TMEM45B: variants seen among roughly 807,000 people sequenced by gnomAD.
The protein encoded by TMEM45B is transmembrane protein 45B.
Under a neutral mutation model 27.3 loss-of-function variants are expected in TMEM45B, and 29 were observed. The ratio of observed to expected loss-of-function variants is 1.06; its 90% CI spans 0.79 to 1.45. The LOEUF is 1.45. Ranked by LOEUF, TMEM45B falls within the 40% of genes most tolerant of loss-of-function variation. The probability of loss-of-function intolerance (pLI) is 0.00; values close to 1 mark genes in which losing one functional copy is unlikely to be tolerated. For synonymous variants in TMEM45B, 143 were observed against 134.7 expected (o/e 1.06, Z -0.43); for missense variants, 348 against 343.9 (o/e 1.01, Z -0.09).
At chr11:129,829,607 A>T (rs540085375) in intron 1 of TMEM45B, among the ~76,000 whole-genome samples, 2 of 152,160 alleles carry the variant, frequency 1.3e-5, no homozygotes, top group Admixed American at 6.5e-5. Context: ...CAGCCTTTGC[A>T]TGTGTTATTT....
At chr11:129,845,202 T>C (rs1270995231) in intron 1 of TMEM45B, among the ~76,000 whole-genome samples, 1 of 152,164 alleles carries the variant, frequency 6.6e-6, no homozygotes, top group East Asian at 1.9e-4. Context: ...CGCACACGTC[T>C]CTGCCTGTTT....
At chr11:129,824,499 G>A (rs1457314569) in intron 1 of TMEM45B, among the ~76,000 whole-genome samples, 1 of 152,226 alleles carries the variant, frequency 6.6e-6, no homozygotes, top group Non-Finnish European at 1.5e-5. Flanking sequence ...AGACACAGTA[G>A]TAGAAATCAA....
chr11:129,855,861 T>C lies in TMEM45B; in HGVS notation c.539T>C (p.Leu180Pro). 2 of 1,614,178 alleles carry C rather than the reference T, an allele frequency of 1.2e-6. No individual in the cohort carries two copies. The highest frequency in any genetic ancestry group is 8.5e-7 in the Non-Finnish European group (1 of 1,180,032). ...GTGCTGGAACTTTTCCGAACCAGTC[T>C]CATCATTCTTCAGGGAACCTGGTTC... is the stretch of plus-strand genomic sequence containing the variant. The part of the protein sequence containing the change: ...HIVLELFRTS[L>P]IILQGTWFWQ... Residue 180 changes from leucine to proline, a missense_variant, in exon 4 of 6, where the codon CTC becomes CCC. By Grantham distance (98) the Leu-to-Pro change is moderately conservative. Coordinates refer to ENST00000281441, the MANE Select transcript of TMEM45B (RefSeq NM_138788.5).
At chr11:129,846,332 G>A (rs1947760273) in intron 1 of TMEM45B, among the ~76,000 whole-genome samples, 1 of 152,106 alleles carries the variant, frequency 6.6e-6, no homozygotes, top group Non-Finnish European at 1.5e-5. Context: ...GCCAGGCGTG[G>A]TGGCACCATC....
chr11:129,832,349 G>A (rs535680356), intron 1 of TMEM45B, among the ~76,000 whole-genome samples: 6 of 152,150 alleles, frequency 3.9e-5, no homozygotes, highest in African/African-American at 4.8e-5. Context: ...CAGCCTGGGC[G>A]ACAGACTGAG....
At chr11:129,823,563 T>C (rs1947446228) in intron 1 of TMEM45B, among the ~76,000 whole-genome samples, 1 of 152,224 alleles carries the variant, frequency 6.6e-6, no homozygotes, top group Non-Finnish European at 1.5e-5. Flanking sequence ...GACCCTATTA[T>C]CTGTTTTAAA....
intron 1 of TMEM45B, among the ~76,000 whole-genome samples, chr11:129,845,752 C>T (rs1211039858): frequency 6.6e-6 from 1 of 152,102 alleles, no homozygotes; most frequent in African/African-American, 2.4e-5. Context: ...TATGCAAATT[C>T]TCAAGGAATT....
intron 1 of TMEM45B, among the ~76,000 whole-genome samples, chr11:129,822,799 T>C (rs1486563954): frequency 6.6e-6 from 1 of 151,964 alleles, no homozygotes; most frequent in Non-Finnish European, 1.5e-5. Flanking sequence ...TACTTTTTGA[T>C]AACCATTTGC....
intron 2 of TMEM45B, 93 bp from the exon 3 acceptor site, chr11:129,854,517 C>T (rs1947892518): frequency 1.1e-5 from 15 of 1,323,546 alleles, no homozygotes; most frequent in Non-Finnish European, 1.6e-5. Context: ...CTCACCCCAT[C>T]TCCGCTTCGC....
intron 4 of TMEM45B, among the ~76,000 whole-genome samples, chr11:129,857,020 T>C (rs1016416473): frequency 1.3e-5 from 2 of 151,910 alleles, no homozygotes; most frequent in Non-Finnish European, 2.9e-5. Flanking sequence ...GCCCAGCTCA[T>C]TTTTTGTATT....
chr11:129,818,021 T>C (rs1039313787), intron 1 of TMEM45B, among the ~76,000 whole-genome samples: 7 of 152,298 alleles, frequency 4.6e-5, no homozygotes, highest in Middle Eastern at 3.4e-3. Flanking sequence ...TATAGAAAGA[T>C]CATAAGACAA....
intron 1 of TMEM45B, among the ~76,000 whole-genome samples, chr11:129,837,967 A>G (rs1356675862): frequency 6.6e-6 from 1 of 151,762 alleles, no homozygotes; most frequent in East Asian, 1.9e-4. Context: ...TTTTTAGTAT[A>G]GATGGGATTT....
intron 1 of TMEM45B, among the ~76,000 whole-genome samples, chr11:129,841,741 C>T (rs746633285): frequency 5.9e-5 from 9 of 151,856 alleles, no homozygotes; most frequent in African/African-American, 1.7e-4. Context: ...AGATTACAGG[C>T]ACCCACTACC....
chr11:129,819,502 A>G (rs1947392292), intron 1 of TMEM45B, among the ~76,000 whole-genome samples: 1 of 152,050 alleles, frequency 6.6e-6, no homozygotes, highest in Admixed American at 6.6e-5. Flanking sequence ...GGCATGCTCC[A>G]GAAGAGTCTT....
At chr11:129,852,882 C>G (rs983495352) in intron 2 of TMEM45B, 9 of 400,086 alleles carry the variant, frequency 2.2e-5, no homozygotes, top group African/African-American at 1.6e-4. Flanking sequence ...GTGAAAAACT[C>G]AAATCAACAA....
chr11:129,824,729 A>T (rs765686078), intron 1 of TMEM45B, among the ~76,000 whole-genome samples: 4 of 152,260 alleles, frequency 2.6e-5, no homozygotes, highest in African/African-American at 9.6e-5. Flanking sequence ...ACTAATGGGC[A>T]AGACATATGT....
intron 1 of TMEM45B, among the ~76,000 whole-genome samples, chr11:129,838,988 C>A (rs1947657793): frequency 6.6e-6 from 1 of 152,084 alleles, no homozygotes; most frequent in East Asian, 1.9e-4. Flanking sequence ...TCCTTGGCAC[C>A]ATTTCCTCTC....
chr11:129,822,082 T>C (rs1443789511), intron 1 of TMEM45B, among the ~76,000 whole-genome samples: 2 of 152,226 alleles, frequency 1.3e-5, no homozygotes, highest in Admixed American at 6.5e-5. Context: ...AAATATCCCA[T>C]GTTTTTTTAG....
chr11:129,819,015 G>T (rs1324902098), intron 1 of TMEM45B, among the ~76,000 whole-genome samples: 1 of 152,138 alleles, frequency 6.6e-6, no homozygotes, highest in African/African-American at 2.4e-5. Flanking sequence ...TTGGTTTGAG[G>T]TCTGTGACAG....
Sources: allele counts gnomAD v4.1 joint callset (sites outside exome capture counted in the v4.1 genomes callset), GRCh38; gene constraint gnomAD v4.1.1; transcripts MANE v1.5; gene names NCBI Gene and HGNC (gene_info 2026-07-23, HGNC 2026-07-21).